Variants in PDS5B observed in about 807,000 individuals in gnomAD.
PDS5B encodes the protein sister chromatid cohesion protein PDS5 homolog B.
Under a neutral mutation model 184.1 loss-of-function variants are expected in PDS5B, and 51 were observed. That is an observed-to-expected ratio of 0.28 (90% confidence interval 0.22 to 0.35). PDS5B has a LOEUF of 0.35. PDS5B is among the 10% of genes least tolerant of loss of function. PDS5B has a pLI of 1.00. For synonymous variants in PDS5B, 566 were observed against 569.2 expected, an observed-to-expected ratio of 0.99 and a Z score of 0.08; for missense variants, 1,180 against 1,723.3, an observed-to-expected ratio of 0.68 and a Z score of 5.58.
chr13:32,753,614 A>G (rs978055131), intron 25 of PDS5B, 78 bp downstream of exon 25: 3 of 840,548 alleles, frequency 3.6e-6, no homozygotes, highest in African/African-American at 1.7e-5. Context: ...ATGATATATG[A>G]TATTACTGTT....
At chr13:32,684,109 T>C in intron 11 of PDS5B, 86 bp downstream of exon 11, 1 of 590,094 alleles carries the variant, frequency 1.7e-6, no homozygotes, top group Non-Finnish European at 2.6e-6. Context: ...TAAATATACA[T>C]ATTTAAATAT....
chr13:32,596,465 C>T (rs559999034), intron 1 of PDS5B, among the ~76,000 whole-genome samples: 1 of 152,160 alleles, frequency 6.6e-6, no homozygotes, highest in South Asian at 2.1e-4. Context: ...ATGAATAAGG[C>T]CTATACAGAT....
At chr13:32,646,368 T>G (rs201568478) in intron 1 of PDS5B, among the ~76,000 whole-genome samples, 3 of 54,202 alleles carry the variant, frequency 5.5e-5, no homozygotes, top group East Asian at 7.7e-4. Flanking sequence ...CTCATGGCTG[T>G]GTTTTTTTTT....
chr13:32,711,870 C>G (rs1301174993), intron 19 of PDS5B, among the ~76,000 whole-genome samples: 1 of 152,174 alleles, frequency 6.6e-6, no homozygotes, highest in East Asian at 1.9e-4. Context: ...TGCCCACTTA[C>G]TATACTGTCT....
rs188520683 is a variant in PDS5B at position 32,753,307 on chromosome 13, A to G, written c.2737-25A>G. 2.0e-4 allele frequency: 322 copies of G among 1,578,480 alleles called. 1 individual carries two copies. The African/African-American group carries it at 3.7e-3, about 18-fold the overall frequency. On this transcript the variant is annotated intron_variant, in intron 24 of 34. Coordinates refer to ENST00000315596, the MANE Select transcript of PDS5B (RefSeq NM_015032.4). Reference sequence around the variant, plus strand: ...TACTCTTTGCTGCCATTTGAATAATATCTGGAATAATTGTGTCTTTACAGG... The same window carrying G: ...TACTCTTTGCTGCCATTTGAATAATGTCTGGAATAATTGTGTCTTTACAGG...
intron 19 of PDS5B, among the ~76,000 whole-genome samples, chr13:32,718,963 T>C (rs1952574224): frequency 6.6e-6 from 1 of 152,182 alleles, no homozygotes; most frequent in Non-Finnish European, 1.5e-5. Context: ...CAAGCAGTTT[T>C]GAAAGGAAAA....
intron 33 of PDS5B, 71 bp downstream of exon 33, chr13:32,770,832 A>G (rs1954760721): frequency 4.5e-6 from 5 of 1,105,924 alleles, no homozygotes; most frequent in Non-Finnish European, 6.7e-6. Context: ...TTGTAAACAT[A>G]CATATTGCTG....
intron 1 of PDS5B, among the ~76,000 whole-genome samples, chr13:32,590,718 A>T (rs1156476266): frequency 1.3e-5 from 2 of 152,146 alleles, no homozygotes; most frequent in Admixed American, 6.5e-5. Flanking sequence ...AGATATTTTA[A>T]AGGAAAGCTC....
chr13:32,735,079 C>T (rs1593555571), intron 20 of PDS5B, 93 bp from the exon 21 acceptor site: 2 of 729,160 alleles, frequency 2.7e-6, no homozygotes, highest in African/African-American at 1.9e-5. Context: ...AAATAAATTA[C>T]AAAATAAATT....
chr13:32,674,125 TTGGTAGCA>T (rs1187059578), intron 8 of PDS5B, among the ~76,000 whole-genome samples: 1 of 152,220 alleles, frequency 6.6e-6, no homozygotes, highest in African/African-American at 2.4e-5. Flanking sequence ...GTGAAATTTT[TTGGTAGCA>T]TGTTCCTAAC....
At position 32,764,567 on chromosome 13, in the gene PDS5B, C is replaced by G; in HGVS notation, c.3597C>G (p.Asp1199Glu). 1 of 1,599,402 alleles carries G rather than the reference C, an allele frequency of 6.3e-7. No individual in the cohort carries two copies. The highest frequency in any genetic ancestry group is 8.5e-7 in the Non-Finnish European group (1 of 1,170,154). ...MSSPLPGKKS[D>E]KRDDSDLVRS... ...CACCTTTGCCGGGGAAAAAAAGTGA[C>G]AAGAGAGACGACTCTGATCTTGTAA... Residue 1199 changes from aspartate (D) to glutamate (E), a missense_variant, in exon 31 of 35, where the codon GAC becomes GAG. Transcript: ENST00000315596.
intron 9 of PDS5B, among the ~76,000 whole-genome samples, chr13:32,676,268 A>G (rs977310992): frequency 6.6e-6 from 1 of 152,222 alleles, no homozygotes; most frequent in Admixed American, 6.5e-5. Context: ...TGGGAGATAT[A>G]GCCTCTCTAC....
intron 31 of PDS5B, among the ~76,000 whole-genome samples, chr13:32,765,802 A>C (rs745901315): frequency 6.6e-6 from 1 of 152,200 alleles, no homozygotes; most frequent in Non-Finnish European, 1.5e-5. Context: ...GGGTTTCACC[A>C]TGTTGGCCAG....
At chr13:32,764,419 A>G in intron 30 of PDS5B, 70 bp from the exon 31 acceptor site, 2 of 906,982 alleles carry the variant, frequency 2.2e-6, no homozygotes, top group East Asian at 3.0e-5. Context: ...CTGTAAAGCT[A>G]CACTAGGAAC....
chr13:32,658,234 T>C lies in PDS5B; in HGVS notation c.313-5T>C, dbSNP rs778485850. 1 of 1,328,924 alleles carries C rather than the reference T, an allele frequency of 7.5e-7. No homozygotes were observed. The allele number at this position is 1,328,924 out of a possible 1,614,324, so 82.3% of individuals were successfully genotyped here. A position where few individuals can be genotyped will look rare whatever the true frequency, so the allele number is the denominator to read the frequency against. ...TAAATGGCACTTTGTCTTTTTTTAT[T>C]TAAGGATATATTTATGTTTATAACA... On this transcript the variant is annotated splice_polypyrimidine_tract_variant and splice_region_variant and intron_variant, in intron 3 of 34. Coordinates refer to ENST00000315596, the MANE Select transcript of PDS5B (RefSeq NM_015032.4).
At chr13:32,690,725 C>T (rs2140836342) in intron 13 of PDS5B, 1 of 152,148 alleles carries the variant, frequency 6.6e-6, no homozygotes, top group Admixed American at 6.6e-5. Flanking sequence ...CAGTGCCATT[C>T]ACAAGAGATA....
chr13:32,746,334 C>G (rs938925385), intron 24 of PDS5B, among the ~76,000 whole-genome samples: 4 of 152,198 alleles, frequency 2.6e-5, no homozygotes, highest in African/African-American at 9.7e-5. Context: ...AATGTTATCA[C>G]AGGCATTCAG....
At chr13:32,722,312 T>C (rs1952745346) in intron 19 of PDS5B, among the ~76,000 whole-genome samples, 1 of 152,142 alleles carries the variant, frequency 6.6e-6, no homozygotes, top group Non-Finnish European at 1.5e-5. Flanking sequence ...GGCAGTACAG[T>C]CCAGCCTCGG....
intron 19 of PDS5B, 84 bp downstream of exon 19, chr13:32,710,190 A>G: frequency 1.0e-6 from 1 of 987,094 alleles, no homozygotes; most frequent in Non-Finnish European, 1.4e-6. Flanking sequence ...GGAATCTTTC[A>G]AGTTTTGAGG....
Sources: gnomAD v4.1 joint callset for allele counts (sites outside exome capture counted in the v4.1 genomes callset) on GRCh38, gnomAD v4.1.1 for gene constraint, MANE v1.5 for transcripts, NCBI Gene and HGNC (gene_info 2026-07-23, HGNC 2026-07-21) for gene names.